Variants in SLC14A2 observed in about 807,000 individuals in gnomAD.
SLC14A2 encodes solute carrier family 14 member 2.
In SLC14A2, 91 loss-of-function variants were observed where a neutral mutation model predicts 104.6. That is an observed-to-expected ratio of 0.87 (90% CI 0.73 to 1.04). The LOEUF (loss-of-function observed/expected upper bound fraction) is 1.04. SLC14A2 is among the 50% of genes least tolerant of loss of function. The pLI, the probability that SLC14A2 is intolerant of heterozygous loss-of-function variation, is 0.00. For synonymous variants in SLC14A2, 476 were observed against 466.4 expected (o/e 1.02, Z -0.27); for missense variants, 1,189 against 1,156.0 (o/e 1.03, Z -0.41).
chr18:45,492,368 C>T (rs571929182), intron 2 of SLC14A2, among the ~76,000 whole-genome samples: 6 of 152,232 alleles, frequency 3.9e-5, no homozygotes, highest in African/African-American at 1.4e-4. Flanking sequence ...TTCTGCACGG[C>T]GGGTGAGACC....
intron 12 of SLC14A2, 51 bp downstream of exon 12, chr18:45,666,270 C>A (rs1404240776): frequency 1.6e-6 from 2 of 1,266,852 alleles, no homozygotes; most frequent in East Asian, 4.6e-5. Flanking sequence ...GTCACAGAGC[C>A]CACAGCAGAT....
intron 1 of SLC14A2, among the ~76,000 whole-genome samples, chr18:45,410,488 T>G (rs1271929270): frequency 1.3e-5 from 2 of 152,316 alleles, no homozygotes; most frequent in Non-Finnish European, 2.9e-5. Context: ...AAACTCTCTC[T>G]TAAAATGTTT....
At chr18:45,511,315 G>T (rs2043362532) in intron 2 of SLC14A2, among the ~76,000 whole-genome samples, 1 of 152,106 alleles carries the variant, frequency 6.6e-6, no homozygotes, top group Admixed American at 6.5e-5. Flanking sequence ...ATATTTTGGG[G>T]CAGTGGATCT....
At chr18:45,344,322 G>A (rs182182933) in intron 1 of SLC14A2, among the ~76,000 whole-genome samples, 1 of 152,108 alleles carries the variant, frequency 6.6e-6, no homozygotes, top group African/African-American at 2.4e-5. Flanking sequence ...TAAACAAAGG[G>A]TTCCATCCTG....
chr18:45,550,742 G>T (rs900853189), intron 2 of SLC14A2, among the ~76,000 whole-genome samples: 1 of 152,182 alleles, frequency 6.6e-6, no homozygotes, highest in Non-Finnish European at 1.5e-5. Flanking sequence ...TGGATCTGAG[G>T]AGTCTTGGAG....
chr18:45,655,035 C>CCT (rs1282430098), intron 10 of SLC14A2, among the ~76,000 whole-genome samples: 1 of 152,198 alleles, frequency 6.6e-6, no homozygotes, highest in African/African-American at 2.4e-5. Flanking sequence ...GGCTCCTTGG[C>CCT]CTCTCTCCTC....
chr18:45,492,401 G>A (rs1568238644), intron 2 of SLC14A2, among the ~76,000 whole-genome samples: 1 of 152,332 alleles, frequency 6.6e-6, no homozygotes, highest in South Asian at 2.1e-4. Context: ...CAATCATGGT[G>A]GAAGGGGAAG....
intron 11 of SLC14A2, 85 bp downstream of exon 11, chr18:45,663,992 G>A (rs943745998): frequency 7.2e-7 from 1 of 1,397,070 alleles, no homozygotes; most frequent in Non-Finnish European, 9.6e-7. Flanking sequence ...CTACTTCACA[G>A]GGTGGTGGGG....
chr18:45,506,684 A>G (rs1486688240), intron 2 of SLC14A2, among the ~76,000 whole-genome samples: 1 of 152,166 alleles, frequency 6.6e-6, no homozygotes, highest in Non-Finnish European at 1.5e-5. Context: ...TTTTTTCTCT[A>G]GTGCCTCCAC....
At chr18:45,431,028 G>A (rs1408621243) in intron 1 of SLC14A2, among the ~76,000 whole-genome samples, 3 of 152,196 alleles carry the variant, frequency 2.0e-5, no homozygotes, top group African/African-American at 7.2e-5. Context: ...CCAGGCATGA[G>A]ATAAGAAGTA....
intron 3 of SLC14A2, 59 bp downstream of exon 3, chr18:45,625,922 C>G (rs1242565357): frequency 7.7e-7 from 1 of 1,290,972 alleles, no homozygotes; most frequent in African/African-American, 1.5e-5. Flanking sequence ...AGACAACCCT[C>G]TCTCCGGTTT....
At chr18:45,527,188 G>A (rs759815709) in intron 2 of SLC14A2, among the ~76,000 whole-genome samples, 105 of 152,132 alleles carry the variant, frequency 6.9e-4, no homozygotes, top group Admixed American at 1.7e-3. Context: ...GAGAATTTAG[G>A]TGCTCCCTGT....
chr18:45,553,187 G>A (rs1242924501), intron 2 of SLC14A2, among the ~76,000 whole-genome samples: 3 of 152,168 alleles, frequency 2.0e-5, no homozygotes, highest in Admixed American at 6.5e-5. Context: ...TTTGTGGATT[G>A]GGCAAACACT....
chr18:45,172,065 C>T, the SLC14A2 span, among the ~76,000 whole-genome samples: 4 of 152,118 alleles, frequency 2.6e-5, no homozygotes, highest in South Asian at 2.1e-4. Flanking sequence ...GTATCAATGT[C>T]GTAAGCAGTG....
the SLC14A2 span, among the ~76,000 whole-genome samples, chr18:45,188,912 A>T: frequency 6.6e-6 from 1 of 152,208 alleles, no homozygotes; most frequent in African/African-American, 2.4e-5. Flanking sequence ...GCTATCTGAC[A>T]ACATGCCCAG....
intron 5 of SLC14A2, 101 bp from the exon 6 acceptor site, chr18:45,636,889 C>G (rs1599096943): frequency 1.2e-6 from 1 of 857,792 alleles, no homozygotes; most frequent in Non-Finnish European, 1.9e-6. Context: ...AATGCTGTGC[C>G]TAGGAGAGGA....
At chr18:45,343,968 G>C (rs2085422372) in intron 1 of SLC14A2, among the ~76,000 whole-genome samples, 1 of 152,212 alleles carries the variant, frequency 6.6e-6, no homozygotes, top group Admixed American at 6.5e-5. Flanking sequence ...TAGGGAAACT[G>C]TATGAGGGCT....
chr18:45,617,839 C>A (rs2045097664), intron 1 of SLC14A2, among the ~76,000 whole-genome samples: 1 of 152,132 alleles, frequency 6.6e-6, no homozygotes, highest in Non-Finnish European at 1.5e-5. Context: ...CAGCAAGGTC[C>A]TTTCAGAATG....
chr18:45,644,632 A>C (rs1051308442), intron 10 of SLC14A2, among the ~76,000 whole-genome samples: 2 of 152,178 alleles, frequency 1.3e-5, no homozygotes, highest in Non-Finnish European at 2.9e-5. Flanking sequence ...ACTAATGACC[A>C]CAAAGAGAGG....
Sources: allele counts gnomAD v4.1 joint callset (sites outside exome capture counted in the v4.1 genomes callset), GRCh38; gene constraint gnomAD v4.1.1; transcripts MANE v1.5; gene names NCBI Gene and HGNC (gene_info 2026-07-23, HGNC 2026-07-21).